The following CD82 variants were observed in gnomAD, a reference collection of about 807,000 sequenced individuals.
The protein encoded by CD82 is CD82 molecule.
Under a neutral mutation model 37.4 loss-of-function variants are expected in CD82, and 36 were observed. The ratio of observed to expected loss-of-function variants is 0.96; its 90% CI spans 0.74 to 1.27. The LOEUF (loss-of-function observed/expected upper bound fraction) is 1.27, where lower values mean the gene tolerates loss of function less well. Ranked by LOEUF, CD82 falls within the 50% of genes most tolerant of loss-of-function variation. The pLI, the probability that CD82 is intolerant of heterozygous loss-of-function variation, is 0.00. For synonymous variants in CD82, 158 were observed against 137.4 expected (o/e 1.15, Z -1.05); for missense variants, 340 against 347.0 (o/e 0.98, Z 0.16).
chr11:44,578,900 T>C (rs112012367), intron 1 of CD82, among the ~76,000 whole-genome samples: 2,347 of 152,288 alleles, frequency 0.015, 67 homozygotes, highest in African/African-American at 0.054. Context: ...GCTGGGCTCA[T>C]TCCCCTTCTC....
intron 1 of CD82, among the ~76,000 whole-genome samples, chr11:44,586,299 A>G (rs10838310): frequency 1.3e-5 from 2 of 151,904 alleles, no homozygotes; most frequent in African/African-American, 4.8e-5. Flanking sequence ...GGCAGAAAAA[A>G]CCTTGGCCCT....
rs1484703997 is a variant in CD82, at chr11:44,619,520, T to C, written c.*394T>C. ...GCTCACGCCTGTAATCCCAGCACTT[T>C]GGGAGGCCGAGGCGGGTGGATCACG... On this transcript the variant is annotated 3_prime_UTR_variant, in exon 10 of 10. Transcript: ENST00000227155. The C allele has an allele frequency of 6.2e-6, 1 of 162,276 alleles. No individual in the cohort carries two copies. Among genetic ancestry groups the C allele is most frequent in the African/African-American group, 2.4e-5 (1 of 41,660 alleles). 10.1% of individuals were successfully genotyped at this position (162,276 alleles called of 1,614,324 possible).
At chr11:44,611,863 G>A (rs967464443) in intron 6 of CD82, among the ~76,000 whole-genome samples, 3 of 149,004 alleles carry the variant, frequency 2.0e-5, no homozygotes, top group African/African-American at 7.3e-5. Context: ...CCATCTAGGT[G>A]GAAACCACCC....
intron 1 of CD82, chr11:44,566,242 C>T (rs774757794): frequency 2.0e-5 from 3 of 152,252 alleles, no homozygotes; most frequent in Non-Finnish European, 4.4e-5. Flanking sequence ...TTCCATTTCC[C>T]GCCTCACCTG....
At chr11:44,590,609 T>TAAAAAAAA (rs1484309011) in intron 2 of CD82, among the ~76,000 whole-genome samples, 1 of 818 alleles carries the variant, frequency 1.2e-3, no homozygotes, top group African/African-American at 2.5e-3. Flanking sequence ...AGATTCTGTC[T>TAAAAAAAA]CAAAAAAAAA....
chr11:44,578,780 G>T (rs1459648924), intron 1 of CD82, among the ~76,000 whole-genome samples: 1 of 152,202 alleles, frequency 6.6e-6, no homozygotes, highest in East Asian at 1.9e-4. Context: ...GGGGGATGGG[G>T]TCCCAGATTT....
Position 44,605,419 on chromosome 11 carries a change from A to G in CD82, c.326A>G (p.Asn109Ser), listed in dbSNP as rs546228845. 21 of 1,614,154 alleles carry G rather than the reference A, an allele frequency of 1.3e-5. No individual in the cohort carries two copies. The African/African-American group carries it at 2.1e-4, about 16-fold the overall frequency. Residue 109 changes from asparagine (N) to serine (S), a missense_variant, in exon 6 of 10, where the codon AAC becomes AGC. Transcript: ENST00000227155. ...ACGGCCGGGGCCCTCTTCTACTTCA[A>G]CATGGGCAAGGTAAGCCCCTCTCTC... ...QVTAGALFYF[N>S]MGKLKQEMGG...
At chr11:44,589,323 G>T (rs1853105988) in intron 2 of CD82, among the ~76,000 whole-genome samples, 2 of 152,214 alleles carry the variant, frequency 1.3e-5, no homozygotes, top group African/African-American at 2.4e-5. Flanking sequence ...AGCTCTCTGT[G>T]ACTGTTCTGG....
At chr11:44,577,038 G>A (rs1852902947) in intron 1 of CD82, among the ~76,000 whole-genome samples, 1 of 152,078 alleles carries the variant, frequency 6.6e-6, no homozygotes, top group Non-Finnish European at 1.5e-5. Flanking sequence ...GTGGGTCCTG[G>A]GTACAAGGGG....
intron 6 of CD82, among the ~76,000 whole-genome samples, chr11:44,609,958 C>A (rs1853457316): frequency 6.6e-6 from 1 of 152,160 alleles, no homozygotes; most frequent in Admixed American, 6.5e-5. Context: ...AGAAAAGATG[C>A]AGGAAGCGCC....
chr11:44,592,165 G>T (rs528556039), intron 2 of CD82, among the ~76,000 whole-genome samples: 1 of 152,126 alleles, frequency 6.6e-6, no homozygotes, highest in Non-Finnish European at 1.5e-5. Flanking sequence ...ATGCCCCACC[G>T]TGAGGCTGAG....
At chr11:44,616,276 G>A (rs1853562976) in intron 7 of CD82, among the ~76,000 whole-genome samples, 1 of 152,204 alleles carries the variant, frequency 6.6e-6, no homozygotes, top group Admixed American at 6.5e-5. Context: ...GGAGAGCGAT[G>A]TTTTCTGGCC....
intron 1 of CD82, chr11:44,585,096 G>T (rs1166796713): frequency 2.8e-5 from 12 of 424,356 alleles, no homozygotes; most frequent in Non-Finnish European, 9.5e-6. Flanking sequence ...AGAGGCAGAG[G>T]CTCCTCCTTC....
In CD82 at chr11:44,618,140, G is replaced by C. The variant is rs765774454; in HGVS notation, c.439-22G>C. ...CTAGGGTGAGCCGTGAGCACAAGCA[G>C]TCTGTCCCCTGCCTTGCCCAGGTGA... On this transcript the variant is annotated intron_variant, in intron 7 of 9. Transcript: ENST00000227155. The C allele has an allele frequency of 1.9e-6, 3 of 1,611,408 alleles. No individual in the cohort carries two copies. The African/African-American group carries it at 4.0e-5, about 22-fold the overall frequency.
At chr11:44,572,367 A>G (rs1852826040) in intron 1 of CD82, among the ~76,000 whole-genome samples, 1 of 152,194 alleles carries the variant, frequency 6.6e-6, no homozygotes, top group Non-Finnish European at 1.5e-5. Flanking sequence ...GTGAGCCCAT[A>G]TTTTTTTATG....
intron 1 of CD82, among the ~76,000 whole-genome samples, chr11:44,585,474 A>C (rs1287235113): frequency 6.6e-6 from 1 of 152,236 alleles, no homozygotes; most frequent in Non-Finnish European, 1.5e-5. Flanking sequence ...ATCTTTATGC[A>C]GGAAGAGTGG....
intron 6 of CD82, among the ~76,000 whole-genome samples, chr11:44,605,998 C>T (rs1192112184): frequency 3.9e-5 from 6 of 152,210 alleles, no homozygotes; most frequent in Non-Finnish European, 8.8e-5. Context: ...AGTTGAAGGA[C>T]ATCTGTGGTT....
chr11:44,587,842 CCGT>C (rs1853079515), intron 2 of CD82: 2 of 325,814 alleles, frequency 6.1e-6, no homozygotes, highest in Non-Finnish European at 1.2e-5. Context: ...GGCCTGAGAA[CCGT>C]CTCTTCGGAC....
chr11:44,612,193 A>C (rs1853491970), intron 6 of CD82, among the ~76,000 whole-genome samples: 1 of 152,242 alleles, frequency 6.6e-6, no homozygotes, highest in Admixed American at 6.5e-5. Flanking sequence ...AACTGGGTAT[A>C]GCCGTGTGGT....
Sources: allele counts gnomAD v4.1 joint callset (sites outside exome capture counted in the v4.1 genomes callset), GRCh38; gene constraint gnomAD v4.1.1; transcripts MANE v1.5; gene names NCBI Gene and HGNC (gene_info 2026-07-23, HGNC 2026-07-21).